The following CAPRIN1 variants were observed in gnomAD, a reference collection of about 807,000 sequenced individuals.
CAPRIN1 encodes the protein cell cycle associated protein 1.
Under a neutral mutation model 100.9 loss-of-function variants are expected in CAPRIN1, and 29 were observed. The ratio of observed to expected loss-of-function variants is 0.29; its 90% confidence interval spans 0.21 to 0.39. The LOEUF (loss-of-function observed/expected upper bound fraction) is 0.39, where lower values mean the gene tolerates loss of function less well. Ranked by LOEUF, CAPRIN1 falls within the 10% of genes least tolerant of loss-of-function variation. The pLI is 1.00. For missense variants in CAPRIN1, 795 were observed against 876.7 expected (o/e 0.91, Z 1.18); for synonymous variants, 338 against 307.5 (o/e 1.10, Z -1.04).
chr11:34,053,097 G>C, intron 2 of CAPRIN1: 1 of 1,013,632 alleles, frequency 9.9e-7, no homozygotes, highest in South Asian at 3.7e-5. Flanking sequence ...CTGCAGCCTT[G>C]GGGTCTGTCC....
intron 11 of CAPRIN1, among the ~76,000 whole-genome samples, chr11:34,087,745 C>T (rs1483549533): frequency 3.9e-5 from 6 of 152,176 alleles, no homozygotes; most frequent in Non-Finnish European, 8.8e-5. Flanking sequence ...GAGAGTAAGT[C>T]GTTTTCTCAG....
rs60567852 is a variant in CAPRIN1, at chr11:34,057,774, A to G, written c.216+5138A>G. Reference sequence around the variant, plus strand: ...GCTCTCGTTGCCCAGGCTGGAGTGTAATGGCATGACCTCGGCTCACTACAA... The same window carrying G: ...GCTCTCGTTGCCCAGGCTGGAGTGTGATGGCATGACCTCGGCTCACTACAA... On this transcript the variant is annotated intron_variant, in intron 2 of 18. Coordinates refer to ENST00000341394, the MANE Select transcript of CAPRIN1 (RefSeq NM_005898.5). 5.4e-4 allele frequency among the ~76,000 whole-genome samples: 82 copies of G among 152,222 alleles called. No homozygotes were observed. In the East Asian group the frequency reaches 0.014, roughly 27 times the overall value.
intron 4 of CAPRIN1, among the ~76,000 whole-genome samples, chr11:34,073,178 A>G (rs1292826591): frequency 6.6e-6 from 1 of 152,210 alleles, no homozygotes. Flanking sequence ...AGGGATTAAG[A>G]GATCAGATTC....
intron 6 of CAPRIN1, among the ~76,000 whole-genome samples, chr11:34,079,359 C>T (rs1850965434): frequency 6.6e-6 from 1 of 152,142 alleles, no homozygotes; most frequent in Non-Finnish European, 1.5e-5. Context: ...GAGATAACGC[C>T]ACTGCACTCC....
chr11:34,091,808 CTTTA>C (rs1482617190), intron 14 of CAPRIN1, 94 bp from the exon 15 acceptor site: 27 of 1,104,654 alleles, frequency 2.4e-5, no homozygotes, highest in Admixed American at 6.8e-5. Context: ...TCTGTGATGT[CTTTA>C]TTTATGTCTG....
intron 7 of CAPRIN1, among the ~76,000 whole-genome samples, chr11:34,081,543 G>A (rs1404295188): frequency 6.6e-6 from 1 of 151,552 alleles, no homozygotes; most frequent in African/African-American, 2.4e-5. Flanking sequence ...GCCCACGCTG[G>A]AGTGTAGTCG....
At chr11:34,055,275 CGCTTCAGCCTCCT>C (rs1266115119) in intron 2 of CAPRIN1, among the ~76,000 whole-genome samples, 2 of 151,656 alleles carry the variant, frequency 1.3e-5, no homozygotes, top group Non-Finnish European at 2.9e-5. Context: ...GTGATCCTCC[CGCTTCAGCCTCCT>C]AAGTAGCTGT....
intron 2 of CAPRIN1, chr11:34,052,885 C>G: frequency 2.2e-6 from 3 of 1,370,656 alleles, no homozygotes; most frequent in Non-Finnish European, 9.4e-7. Flanking sequence ...CTTTATTACT[C>G]TTCCGCTGTG....
chr11:34,099,346 GA>G lies in CAPRIN1; in HGVS notation c.2111del (p.Asn704ThrfsTer5), dbSNP rs781339536. ...PRPNRGMPQM[N>X]TQQVN ...GACCCAACAGAGGGATGCCGCAAAT[GA>G]ACACTCAGCAAGTGAATTAATCTGA... is the stretch of plus-strand genomic sequence containing the variant. On this transcript the variant is annotated frameshift_variant, in exon 19 of 19. Coordinates refer to ENST00000341394, the MANE Select transcript of CAPRIN1 (RefSeq NM_005898.5). LOFTEE classifies it high-confidence loss of function. 1 of 1,613,864 alleles carries G rather than the reference GA, an allele frequency of 6.2e-7. No individual in the cohort carries two copies. Among genetic ancestry groups the G allele is most frequent in the Non-Finnish European group, 8.5e-7 (1 of 1,179,798 alleles).
At chr11:34,079,114 C>T (rs1023833758) in intron 6 of CAPRIN1, among the ~76,000 whole-genome samples, 3 of 152,176 alleles carry the variant, frequency 2.0e-5, no homozygotes, top group East Asian at 1.9e-4. Context: ...ACTTAAAATA[C>T]ATAAAGTTCA....
intron 2 of CAPRIN1, among the ~76,000 whole-genome samples, chr11:34,070,047 C>CTAT (rs1477680273): frequency 6.6e-6 from 1 of 152,076 alleles, no homozygotes; most frequent in Non-Finnish European, 1.5e-5. Context: ...GGGTAAGGAA[C>CTAT]TATGTATGTT....
intron 6 of CAPRIN1, among the ~76,000 whole-genome samples, chr11:34,077,684 G>A (rs1056532140): frequency 6.6e-6 from 1 of 152,088 alleles, no homozygotes; most frequent in East Asian, 1.9e-4. Flanking sequence ...TTTAGCTATT[G>A]GTTGAAAAGA....
chr11:34,071,804 T>A lies in CAPRIN1; in HGVS notation c.279+16T>A, dbSNP rs779599460. The A allele has an allele frequency of 1.4e-6, 2 of 1,447,288 alleles. No homozygotes were observed. Among genetic ancestry groups the A allele is most frequent in the Non-Finnish European group, 1.8e-6 (2 of 1,099,228 alleles). The allele number at this position is 1,447,288 out of a possible 1,614,324, so 89.7% of individuals were successfully genotyped here. A position where few individuals can be genotyped will look rare whatever the true frequency, so the allele number is the denominator to read the frequency against. The stretch of plus-strand genomic sequence containing the variant: ...AGATCAGCTGGTAAAGATGTTATAT[T>A]TTTTATTTTAGACCTAATGCTCACT... On this transcript the variant is annotated intron_variant, in intron 3 of 18. Transcript: ENST00000341394.
At position 34,079,949 on chromosome 11, in the gene CAPRIN1, A is replaced by T. The variant is rs558981875; in HGVS notation, c.826+184A>T. Among the ~76,000 whole-genome samples, 620 of 116,040 alleles carry T rather than the reference A, an allele frequency of 5.3e-3. 7 individuals carry two copies. Among genetic ancestry groups the T allele is most frequent in the African/African-American group, 0.02 (588 of 29,142 alleles). 76.1% of individuals were successfully genotyped at this position (116,040 alleles called of 152,430 possible). A position where few individuals can be genotyped will look rare whatever the true frequency, so the allele number is the denominator to read the frequency against. On this transcript the variant is annotated intron_variant, in intron 7 of 18. Transcript: ENST00000341394. ...TTTTTTTTTTTTTTTTTGGAGACAGAGTCTCGCTCTGTTGCCCAGGCTGGA... is the reference window on the plus strand; with the variant it reads ...TTTTTTTTTTTTTTTTTGGAGACAGTGTCTCGCTCTGTTGCCCAGGCTGGA...
In CAPRIN1 at chr11:34,052,452, G is replaced by A. The variant is rs781185010; in HGVS notation, c.32G>A (p.Gly11Asp). Residue 11 changes from glycine to aspartate, a missense_variant, in exon 2 of 19, where the codon GGC becomes GAC. Physicochemically the swap from Gly to Asp is moderately conservative, Grantham distance 94. Around this residue, in one of 3 missense-constraint regions of CAPRIN1, gnomAD observed 109 missense variants for 86.6 expected, o/e 1.26. Coordinates refer to ENST00000341394, the MANE Select transcript of CAPRIN1 (RefSeq NM_005898.5). MPSATSHSGS[G>D]SKSSGPPPPS... Reference sequence around the variant, plus strand: ...TCGGCCACCAGCCACAGCGGGAGCGGCAGCAAGTCGTCCGGACCGCCACCG... The same window carrying A: ...TCGGCCACCAGCCACAGCGGGAGCGACAGCAAGTCGTCCGGACCGCCACCG... 6 of 1,606,950 alleles carry A rather than the reference G, an allele frequency of 3.7e-6. No homozygotes were observed. The highest frequency in any genetic ancestry group is 4.2e-6 in the Non-Finnish European group (5 of 1,178,672).
chr11:34,064,954 G>GTTT (rs10551006), intron 2 of CAPRIN1, among the ~76,000 whole-genome samples: 14 of 63,148 alleles, frequency 2.2e-4, no homozygotes, highest in South Asian at 7.7e-4. Flanking sequence ...CTGTATAATG[G>GTTT]TTTTTTTTTT....
rs1243523366 is a variant in CAPRIN1, at chr11:34,052,472, C to T, written c.52C>T (p.Pro18Ser). The T allele has an allele frequency of 6.2e-7, 1 of 1,607,904 alleles. No homozygotes were observed. Among genetic ancestry groups the T allele is most frequent in the Non-Finnish European group, 8.5e-7 (1 of 1,178,774 alleles). ...SGSGSKSSGPPPPSGSSGSEA... is the reference protein window; with the variant it reads ...SGSGSKSSGPSPPSGSSGSEA... ...GAGCGGCAGCAAGTCGTCCGGACCG[C>T]CACCGCCGTCGGGTTCCTCCGGGAG... is the stretch of plus-strand genomic sequence containing the variant. Residue 18 changes from proline to serine, a missense_variant, in exon 2 of 19, where the codon CCA (proline) becomes TCA (serine). Physicochemically the swap from Pro to Ser is moderately conservative, Grantham distance 74. Transcript: ENST00000341394.
chr11:34,076,197 T>G (rs769492425), intron 4 of CAPRIN1, 39 bp from the exon 5 acceptor site: 1 of 1,476,710 alleles, frequency 6.8e-7, no homozygotes, highest in Non-Finnish European at 9.4e-7. Flanking sequence ...AAGTTTTATA[T>G]AACTAATTTT....
At chr11:34,098,878 T>C (rs1385812972) in intron 18 of CAPRIN1, 3 of 994,002 alleles carry the variant, frequency 3.0e-6, no homozygotes, top group Non-Finnish European at 3.6e-6. Context: ...ATTCTGGTGC[T>C]TTTATTAATT....
Sources: gnomAD v4.1 joint callset for allele counts (sites outside exome capture counted in the v4.1 genomes callset) on GRCh38, gnomAD v4.1.1 for gene constraint, gnomAD v4.1.1 regional missense constraint, MANE v1.5 for transcripts, NCBI Gene and HGNC (gene_info 2026-07-23, HGNC 2026-07-21) for gene names.